NELL2: variants seen among roughly 807,000 people sequenced by gnomAD.
NELL2 encodes protein kinase C-binding protein NELL2.
In NELL2, 41 loss-of-function variants were observed where a neutral mutation model predicts 109.6. The ratio of observed to expected loss-of-function variants is 0.37; its 90% CI spans 0.29 to 0.49. The LOEUF (loss-of-function observed/expected upper bound fraction) is 0.49. NELL2 is among the 20% of genes least tolerant of loss of function. The pLI is 0.98. For synonymous variants in NELL2, 355 were observed against 344.7 expected, an observed-to-expected ratio of 1.03 and a Z score of -0.33; for missense variants, 900 against 1,008.3, an observed-to-expected ratio of 0.89 and a Z score of 1.45.
rs376601496 is a variant in NELL2 at position 44,523,287 on chromosome 12, C to T, written c.1998+4G>A. 4.3e-6 allele frequency: 7 copies of T among 1,613,902 alleles called. No homozygotes were observed. Among genetic ancestry groups the T allele is most frequent in the Non-Finnish European group, 1.7e-6 (2 of 1,179,872 alleles). On this transcript the variant is annotated splice_donor_region_variant and intron_variant, in intron 17 of 19. Transcript: ENST00000429094. ...ATTAATTAAAGTTTTTCATTTATAC[C>T]AACCTGACATGAGCACACAGAGCAC...
At chr12:44,828,016 G>A (rs1175268525) in intron 2 of NELL2, among the ~76,000 whole-genome samples, 1 of 152,174 alleles carries the variant, frequency 6.6e-6, no homozygotes, top group East Asian at 1.9e-4. Flanking sequence ...TGACTGGGGT[G>A]AGATGGTATC....
In NELL2 at chr12:44,780,013, T is replaced by A. The variant is rs371884284; in HGVS notation, c.345A>T (p.Glu115Asp). The A allele has an allele frequency of 6.2e-7, 1 of 1,613,464 alleles. No individual in the cohort carries two copies. Among genetic ancestry groups the A allele is most frequent in the African/African-American group, 1.3e-5 (1 of 74,886 alleles). Residue 115 changes from glutamate (E) to aspartate (D), a missense_variant, in exon 4 of 20, where the codon GAA becomes GAT. This residue lies in a region of NELL2 where 200 missense variants were observed against 191.8 expected (regional missense o/e 1.04). Transcript: ENST00000429094. ...SIHHLDHRYL[E>D]LESSGHRNEV... is the part of the protein sequence containing the mutation. ...CATTCCGATGGCCACTACTTTCCAGTTCCAGGTACCTGCAGAGAGAAGAGC... is the reference window on the plus strand; with the variant it reads ...CATTCCGATGGCCACTACTTTCCAGATCCAGGTACCTGCAGAGAGAAGAGC...
intron 9 of NELL2, among the ~76,000 whole-genome samples, chr12:44,750,384 T>C (rs921983053): frequency 2.0e-5 from 3 of 152,312 alleles, no homozygotes; most frequent in South Asian, 4.1e-4. Context: ...TGTTTCCTAA[T>C]ACATTAATGC....
chr12:44,650,094 T>TTGA (rs1947248930), intron 13 of NELL2, among the ~76,000 whole-genome samples: 1 of 152,246 alleles, frequency 6.6e-6, no homozygotes, highest in African/African-American at 2.4e-5. Flanking sequence ...TTCTCTTTCA[T>TTGA]TGATTAACTT....
rs561355670 is a variant in NELL2 at position 44,684,876 on chromosome 12, G to GA, written c.1318+18849dup. 1.8e-3 allele frequency among the ~76,000 whole-genome samples: 272 copies of GA among 152,210 alleles called. 2 individuals carry two copies. Among genetic ancestry groups the GA allele is most frequent in the African/African-American group, 6.2e-3 (257 of 41,528 alleles). ...TTTGGGATAGGTGTGGTGTGGTGCT[G>GA]AAAAAAATGTATATTCTGTTGATTT... On this transcript the variant is annotated intron_variant, in intron 12 of 19. Transcript: ENST00000429094.
In NELL2 at chr12:44,605,600, A is replaced by G. The variant is rs181885703; in HGVS notation, c.1663+1569T>C. 3.8e-3 allele frequency among the ~76,000 whole-genome samples: 577 copies of G among 152,246 alleles called. 5 individuals are homozygous for G. The highest frequency in any genetic ancestry group is 0.013 in the African/African-American group (545 of 41,554). Reference sequence around the variant, plus strand: ...TTTTATGCCATTCCAGATTTCTACAATCTTGTGATATTTTCTCCTAGTGGA... The same window carrying G: ...TTTTATGCCATTCCAGATTTCTACAGTCTTGTGATATTTTCTCCTAGTGGA... On this transcript the variant is annotated intron_variant, in intron 15 of 19. Transcript: ENST00000429094.
intron 12 of NELL2, among the ~76,000 whole-genome samples, chr12:44,685,525 T>G (rs1172910224): frequency 1.3e-5 from 2 of 152,192 alleles, no homozygotes; most frequent in Non-Finnish European, 2.9e-5. Flanking sequence ...GTCTTTACAT[T>G]TTGGCATGAT....
At chr12:44,819,794 A>T (rs1473796259) in intron 2 of NELL2, among the ~76,000 whole-genome samples, 1 of 152,206 alleles carries the variant, frequency 6.6e-6, no homozygotes, top group African/African-American at 2.4e-5. Context: ...CTCCAGCATG[A>T]ACAAAGCCAG....
intron 12 of NELL2, among the ~76,000 whole-genome samples, chr12:44,669,569 T>C (rs1948066411): frequency 6.6e-6 from 1 of 151,176 alleles, no homozygotes; most frequent in Admixed American, 6.6e-5. Context: ...AAACCAGAAA[T>C]CCTAAAAGGC....
intron 13 of NELL2, among the ~76,000 whole-genome samples, chr12:44,652,503 T>C (rs1947338524): frequency 6.6e-6 from 1 of 152,168 alleles, no homozygotes; most frequent in African/African-American, 2.4e-5. Flanking sequence ...AATTTAGGCA[T>C]AAATGTGAAC....
intron 13 of NELL2, 185 bp downstream of exon 13, chr12:44,665,299 G>C (rs1010315896): frequency 1.2e-4 from 51 of 432,260 alleles, no homozygotes; most frequent in African/African-American, 1.8e-4. Flanking sequence ...TATTTATCCA[G>C]AGCAAGCAGG....
chr12:44,737,507 T>C (rs1407592789), intron 9 of NELL2, among the ~76,000 whole-genome samples: 3 of 152,156 alleles, frequency 2.0e-5, no homozygotes, highest in Non-Finnish European at 4.4e-5. Flanking sequence ...ATTAGTGTTA[T>C]TTTAATTCGA....
intron 13 of NELL2, among the ~76,000 whole-genome samples, chr12:44,640,570 A>G (rs944767288): frequency 2.0e-5 from 3 of 152,200 alleles, no homozygotes; most frequent in Non-Finnish European, 4.4e-5. Flanking sequence ...CATTGTGTAG[A>G]TATCTTATGC....
intron 1 of NELL2, among the ~76,000 whole-genome samples, chr12:44,889,216 G>T (rs1482236170): frequency 1.3e-5 from 2 of 152,034 alleles, no homozygotes; most frequent in Admixed American, 1.3e-4. Context: ...AACTGGAAAT[G>T]TAAATAAGGT....
intron 12 of NELL2, among the ~76,000 whole-genome samples, chr12:44,685,866 A>C (rs1215449280): frequency 6.6e-6 from 1 of 151,142 alleles, no homozygotes; most frequent in East Asian, 1.9e-4. Context: ...CTTCATTTCA[A>C]CTTTGGTGAA....
chr12:44,511,177 A>G (rs1352346122), intron 19 of NELL2, among the ~76,000 whole-genome samples: 1 of 152,198 alleles, frequency 6.6e-6, no homozygotes, highest in Non-Finnish European at 1.5e-5. Flanking sequence ...GTTCTGCTAT[A>G]ACAGGATTCT....
intron 15 of NELL2, among the ~76,000 whole-genome samples, chr12:44,589,334 A>G (rs768755042): frequency 7.9e-5 from 12 of 151,908 alleles, no homozygotes; most frequent in Non-Finnish European, 1.8e-4. Flanking sequence ...AAAGACAGTG[A>G]TGAAAAAAAT....
intron 3 of NELL2, among the ~76,000 whole-genome samples, chr12:44,803,004 T>C (rs1655398320): frequency 6.6e-6 from 1 of 152,024 alleles, no homozygotes; most frequent in South Asian, 2.1e-4. Context: ...CTCACCAACT[T>C]GACCCGGTGA....
chr12:44,698,334 C>T (rs1381354093), intron 12 of NELL2, among the ~76,000 whole-genome samples: 3 of 152,146 alleles, frequency 2.0e-5, no homozygotes, highest in Admixed American at 6.5e-5. Context: ...TGGTAGGTGA[C>T]CTGCTCAGGG....
Sources: allele counts gnomAD v4.1 joint callset (sites outside exome capture counted in the v4.1 genomes callset), GRCh38; gene constraint gnomAD v4.1.1; regional missense constraint gnomAD v4.1.1; transcripts MANE v1.5; gene names NCBI Gene and HGNC (gene_info 2026-07-23, HGNC 2026-07-21).